VEZT: variants seen among roughly 807,000 people sequenced by gnomAD.
VEZT encodes vezatin.
A neutral mutation model predicts 79.9 loss-of-function variants in VEZT; 39 were observed. That is an observed-to-expected ratio of 0.49 (90% confidence interval 0.38 to 0.64). The LOEUF is 0.64. VEZT is among the 30% of genes least tolerant of loss of function. The pLI is 0.00. For missense variants in VEZT, 837 were observed against 893.1 expected, an observed-to-expected ratio of 0.94 and a Z score of 0.80; for synonymous variants, 325 against 327.6, an observed-to-expected ratio of 0.99 and a Z score of 0.09.
chr12:95,300,867 A>G lies in VEZT; in HGVS notation c.*194A>G. On this transcript the variant is annotated 3_prime_UTR_variant, in exon 12 of 12. Transcript: ENST00000436874. ...TAAATGGCAGATCTTTTAGGAAAAT[A>G]AGAGAAAGGTAAGGGCTCTTTTGAA... is the stretch of plus-strand genomic sequence containing the variant. The G allele has an allele frequency of 1.6e-6, 1 of 630,818 alleles. No homozygotes were observed. The allele number at this position is 630,818 out of a possible 1,614,324, so 39.1% of individuals were successfully genotyped here.
chr12:95,267,706 A>G (rs889761758), intron 5 of VEZT, among the ~76,000 whole-genome samples: 1 of 152,128 alleles, frequency 6.6e-6, no homozygotes, highest in Non-Finnish European at 1.5e-5. Context: ...GGATTTTATA[A>G]TTTCTCTTTC....
intron 7 of VEZT, among the ~76,000 whole-genome samples, chr12:95,281,700 C>T (rs1352288390): frequency 1.3e-5 from 2 of 151,988 alleles, no homozygotes; most frequent in African/African-American, 4.8e-5. Context: ...CACATACCAC[C>T]ATGTCTGGCT....
At chr12:95,282,285 T>A (rs2069368803) in intron 7 of VEZT, 28 bp from the exon 8 acceptor site, 1 of 1,541,388 alleles carries the variant, frequency 6.5e-7, no homozygotes, top group Non-Finnish European at 8.7e-7. Flanking sequence ...TTTTTATTGA[T>A]CTAGTTCTTT....
chr12:95,257,205 A>G lies in VEZT; in HGVS notation c.224A>G (p.Gln75Arg), dbSNP rs1216528112. 9.9e-6 allele frequency: 16 copies of G among 1,610,672 alleles called. No homozygotes were observed. The highest frequency in any genetic ancestry group is 1.3e-5 in the African/African-American group (1 of 74,856). Residue 75 changes from glutamine (Q) to arginine (R), a missense_variant, in exon 3 of 12, where the codon CAG becomes CGG. Transcript: ENST00000436874. ...ATCAAAAGTTGGATTTTTTTTTCTC[A>G]GTGCAATAAGAAAGATGACTTACTT... ...ETIKSWIFFS[Q>R]CNKKDDLLHK...
At chr12:95,261,761 G>A (rs1252023435) in intron 3 of VEZT, among the ~76,000 whole-genome samples, 1 of 152,140 alleles carries the variant, frequency 6.6e-6, no homozygotes. Flanking sequence ...TTCTTTTGAG[G>A]CAGACTATAT....
At chr12:95,248,821 CA>C (rs3080331) in intron 1 of VEZT, among the ~76,000 whole-genome samples, 16,361 of 104,458 alleles carry the variant, frequency 0.16, 863 homozygotes, top group Non-Finnish European at 0.2. Flanking sequence ...GACCCTATCT[CA>C]AAAAAAAAAA....
intron 1 of VEZT, among the ~76,000 whole-genome samples, chr12:95,220,999 G>C (rs1326036102): frequency 3.9e-5 from 6 of 152,094 alleles, no homozygotes; most frequent in Non-Finnish European, 1.5e-5. Context: ...ATCAACCCTT[G>C]CTAATTTTAG....
At chr12:95,286,626 C>T (rs2070955298) in intron 8 of VEZT, 1 of 436,630 alleles carries the variant, frequency 2.3e-6, no homozygotes, top group Non-Finnish European at 4.6e-6. Context: ...AGAAATGCTT[C>T]AATTAACTCT....
At chr12:95,278,872 C>G (rs1593922322) in intron 7 of VEZT, among the ~76,000 whole-genome samples, 1 of 152,194 alleles carries the variant, frequency 6.6e-6, no homozygotes, top group Admixed American at 6.5e-5. Context: ...AGTTTGCAAC[C>G]AGCCTGACCA....
At chr12:95,263,298 C>T (rs2064892175) in intron 4 of VEZT, among the ~76,000 whole-genome samples, 1 of 152,114 alleles carries the variant, frequency 6.6e-6, no homozygotes, top group South Asian at 2.1e-4. Flanking sequence ...TATATACTTC[C>T]AACTCATTAA....
At position 95,266,388 on chromosome 12, in the gene VEZT, T is replaced by C. The variant is rs2065544438; in HGVS notation, c.466T>C (p.Leu156=). ...CTCAATGCTATTTGCCTTCATTAGCTTGCTCGTTATGCTTCCCACTTGGTG... is the reference window on the plus strand; with the variant it reads ...CTCAATGCTATTTGCCTTCATTAGCCTGCTCGTTATGCTTCCCACTTGGTG... ...DLSMLFAFIS[L]LVMLPTWWIV... The change falls in exon 5 of 12, where the codon TTG becomes CTG. Residue 156 remains leucine, a synonymous_variant. Transcript: ENST00000436874. 1 of 1,613,768 alleles carries C rather than the reference T, an allele frequency of 6.2e-7. No individual in the cohort carries two copies. Among genetic ancestry groups the C allele is most frequent in the Non-Finnish European group, 8.5e-7 (1 of 1,179,828 alleles).
At position 95,287,720 on chromosome 12, in the gene VEZT, A is replaced by G; in HGVS notation, c.1385A>G (p.Glu462Gly). ...CTTGTTTGTACTAAAGAAACACAAG[A>G]ACTAGTGTCAGAGGCTTATCCCATC... ...EKLVCTKETQELVSEAYPILE... is the reference protein window; with the variant it reads ...EKLVCTKETQGLVSEAYPILE... Residue 462 changes from glutamate (E) to glycine (G), a missense_variant, in exon 9 of 12, where the codon GAA becomes GGA. Glu to Gly is a moderately conservative substitution (Grantham distance 98, BLOSUM62 -2). Transcript: ENST00000436874. The G allele has an allele frequency of 6.3e-7, 1 of 1,597,388 alleles. No homozygotes were observed. Among genetic ancestry groups the G allele is most frequent in the African/African-American group, 1.3e-5 (1 of 74,808 alleles).
intron 3 of VEZT, chr12:95,258,259 T>C: frequency 2.2e-6 from 1 of 455,924 alleles, no homozygotes; most frequent in Non-Finnish European, 4.4e-6. Context: ...AGCCATCTCA[T>C]TCTTCAGTGA....
chr12:95,257,149 G>C lies in VEZT; in HGVS notation c.169-1G>C. 6.2e-7 allele frequency: 1 copy of C among 1,607,672 alleles called. No individual in the cohort carries two copies. Among genetic ancestry groups the C allele is most frequent in the South Asian group, 1.1e-5 (1 of 89,592 alleles). ...TATACAATGTCATTCATTTCCTTCA[G>C]CAAGGTATCCTGTTAAAAGTGGCTG... On this transcript the variant is annotated splice_acceptor_variant, in intron 2 of 11. Coordinates refer to ENST00000436874, the MANE Select transcript of VEZT (RefSeq NM_017599.4). LOFTEE classifies it high-confidence loss of function.
chr12:95,288,941 G>A (rs902570116), intron 9 of VEZT, among the ~76,000 whole-genome samples: 21 of 151,952 alleles, frequency 1.4e-4, no homozygotes, highest in African/African-American at 3.9e-4. Flanking sequence ...GGCCAGGCAC[G>A]GTGATGGGAG....
chr12:95,279,648 G>A (rs985741328), intron 7 of VEZT, among the ~76,000 whole-genome samples: 1 of 152,236 alleles, frequency 6.6e-6, no homozygotes, highest in Non-Finnish European at 1.5e-5. Flanking sequence ...CTGGTGTGCA[G>A]TGGTGCAATC....
rs2059067441 is a variant in VEZT, at chr12:95,230,234, T to A, written c.36+12348T>A. ...TATAGGAAATCAGTGTGCCCATTAC[T>A]TTTTATTTGAAACAATATATTTGAG... On this transcript the variant is annotated intron_variant, in intron 1 of 11. Transcript: ENST00000436874. Among the ~76,000 whole-genome samples the A allele has an allele frequency of 2.6e-5, 4 of 152,242 alleles. No individual in the cohort carries two copies. In the South Asian group the frequency reaches 8.3e-4, roughly 32 times the overall value.
intron 3 of VEZT, among the ~76,000 whole-genome samples, chr12:95,261,737 T>C (rs2064540507): frequency 6.6e-6 from 1 of 152,194 alleles, no homozygotes; most frequent in Non-Finnish European, 1.5e-5. Flanking sequence ...TAATACAAAA[T>C]ACAACTTTAA....
rs1230928790 is a variant in VEZT at position 95,294,446 on chromosome 12, A to G, written c.1623+74A>G. ...ATGAGCTTCAAAATTACAACATAAT[A>G]TATTGAATTTATATCAGATCATTAG... On this transcript the variant is annotated intron_variant, in intron 10 of 11. Coordinates refer to ENST00000436874, the MANE Select transcript of VEZT (RefSeq NM_017599.4). The G allele has an allele frequency of 5.0e-6, 6 of 1,207,838 alleles. No homozygotes were observed. The Admixed American group carries it at 6.2e-5, about 12-fold the overall frequency. 74.8% of individuals were successfully genotyped at this position (1,207,838 alleles called of 1,614,324 possible). A position where few individuals can be genotyped will look rare whatever the true frequency, so the allele number is the denominator to read the frequency against.
Sources: gnomAD v4.1 joint callset for allele counts (sites outside exome capture counted in the v4.1 genomes callset) on GRCh38, gnomAD v4.1.1 for gene constraint, MANE v1.5 for transcripts, NCBI Gene and HGNC (gene_info 2026-07-23, HGNC 2026-07-21) for gene names.